TMTC2: variants seen among roughly 807,000 people sequenced by gnomAD.
The protein encoded by TMTC2 is protein O-mannosyl-transferase TMTC2.
In TMTC2, 43 loss-of-function variants were observed where a neutral mutation model predicts 82.4. The ratio of observed to expected loss-of-function variants is 0.52; its 90% CI spans 0.41 to 0.67. The LOEUF is 0.67. TMTC2 is among the 30% of genes least tolerant of loss of function. The pLI is 0.00. For synonymous variants in TMTC2, 408 were observed against 381.9 expected (o/e 1.07, Z -0.80); for missense variants, 919 against 1,012.4 (o/e 0.91, Z 1.25).
chr12:82,932,169 G>GAA (rs764107056), intron 4 of TMTC2, among the ~76,000 whole-genome samples: 9 of 152,084 alleles, frequency 5.9e-5, no homozygotes, highest in Non-Finnish European at 1.2e-4. Flanking sequence ...AAAATAAACA[G>GAA]AAAAAATCTA....
chr12:82,975,281 A>G (rs1194209929), intron 7 of TMTC2, among the ~76,000 whole-genome samples: 2 of 152,158 alleles, frequency 1.3e-5, no homozygotes, highest in African/African-American at 4.8e-5. Flanking sequence ...TGATTTTCCC[A>G]GTAAGTAAGG....
At position 82,985,833 on chromosome 12, in the gene TMTC2, C is replaced by T. The variant is rs755668446; in HGVS notation, c.1949-92C>T. Reference sequence around the variant, plus strand: ...ACTTCCCACAGCATCTGAAATTCCACGCAGTATGATGATGATGATGATGAT... The same window carrying T: ...ACTTCCCACAGCATCTGAAATTCCATGCAGTATGATGATGATGATGATGAT... On this transcript the variant is annotated intron_variant, in intron 7 of 11. Transcript: ENST00000321196. 2.2e-4 allele frequency: 312 copies of T among 1,449,166 alleles called. No homozygotes were observed. The Middle Eastern group carries it at 3.1e-3, about 14-fold the overall frequency. 89.8% of individuals were successfully genotyped at this position (1,449,166 alleles called of 1,614,324 possible). A position where few individuals can be genotyped will look rare whatever the true frequency, so the allele number is the denominator to read the frequency against.
chr12:83,012,869 G>A (rs907748992), intron 8 of TMTC2, among the ~76,000 whole-genome samples: 4 of 152,046 alleles, frequency 2.6e-5, no homozygotes, highest in African/African-American at 7.2e-5. Flanking sequence ...ATGAATTATG[G>A]CAGCTAGAAA....
chr12:82,937,746 G>GTATATATATATATATATATA (rs1876413785), intron 4 of TMTC2, among the ~76,000 whole-genome samples: 1 of 60,334 alleles, frequency 1.7e-5, no homozygotes, highest in African/African-American at 8.0e-5. Flanking sequence ...GTGTGTGTGT[G>GTATATATATATATATATATA]TGTGTATATA....
At chr12:82,930,733 A>G (rs945440780) in intron 4 of TMTC2, among the ~76,000 whole-genome samples, 188 bp downstream of exon 4, 5 of 152,176 alleles carry the variant, frequency 3.3e-5, no homozygotes, top group African/African-American at 1.2e-4. Flanking sequence ...CACATCATCA[A>G]TATTCATGTG....
At position 83,134,187 on chromosome 12, in the gene TMTC2, C is replaced by T. The variant is rs556092532; in HGVS notation, c.*1798C>T. ...TGAAGGGCCAAAAGTTAAATTATAA[C>T]TAAATCACTGTGTTTTCAGAATGAT... On this transcript the variant is annotated 3_prime_UTR_variant, in exon 12 of 12. Transcript: ENST00000321196. 6.6e-6 allele frequency: 1 copy of T among 152,184 alleles called. No homozygotes were observed. The highest frequency in any genetic ancestry group is 1.9e-4 in the East Asian group (1 of 5,166). 9.4% of individuals were successfully genotyped at this position (152,184 alleles called of 1,614,324 possible).
intron 2 of TMTC2, among the ~76,000 whole-genome samples, chr12:82,862,327 C>G (rs1037630261): frequency 5.9e-5 from 9 of 152,150 alleles, no homozygotes; most frequent in African/African-American, 2.2e-4. Context: ...TGGCCATTTT[C>G]TGTGCTTATT....
chr12:82,926,846 C>A (rs1205173812), intron 3 of TMTC2, among the ~76,000 whole-genome samples: 1 of 152,208 alleles, frequency 6.6e-6, no homozygotes, highest in Non-Finnish European at 1.5e-5. Context: ...GACAACACAT[C>A]TGTTTACAGC....
intron 1 of TMTC2, among the ~76,000 whole-genome samples, chr12:82,829,187 G>T (rs1411651229): frequency 1.3e-5 from 2 of 152,104 alleles, no homozygotes; most frequent in Non-Finnish European, 2.9e-5. Flanking sequence ...TGAGGAATCA[G>T]AAACATAATT....
intron 1 of TMTC2, among the ~76,000 whole-genome samples, chr12:82,709,096 T>TC (rs1052094781): frequency 6.6e-6 from 1 of 151,040 alleles, no homozygotes; most frequent in Non-Finnish European, 1.5e-5. Flanking sequence ...TTTTTTTTTT[T>TC]CTTATTGGCA....
chr12:83,128,807 T>C (rs1185903601), intron 11 of TMTC2, among the ~76,000 whole-genome samples: 1 of 152,136 alleles, frequency 6.6e-6, no homozygotes. Context: ...TAAACTTCCC[T>C]AGCACAGATG....
chr12:83,001,860 G>A (rs1879941956), intron 8 of TMTC2, among the ~76,000 whole-genome samples: 1 of 151,878 alleles, frequency 6.6e-6, no homozygotes, highest in African/African-American at 2.4e-5. Context: ...ATCACTGTTA[G>A]AATAAACAAA....
At chr12:83,101,274 A>G (rs1884206710) in intron 11 of TMTC2, among the ~76,000 whole-genome samples, 1 of 152,180 alleles carries the variant, frequency 6.6e-6, no homozygotes, top group Non-Finnish European at 1.5e-5. Flanking sequence ...AAAGCTATAA[A>G]TTTTGTGTTT....
At chr12:82,875,881 TGAA>T (rs1317404847) in intron 2 of TMTC2, among the ~76,000 whole-genome samples, 1 of 132,244 alleles carries the variant, frequency 7.6e-6, no homozygotes, top group Non-Finnish European at 1.5e-5. Context: ...ACTTCTATCA[TGAA>T]GGAGAGCTCA....
chr12:82,751,557 A>AT (rs1395090882), intron 1 of TMTC2, among the ~76,000 whole-genome samples: 1 of 150,226 alleles, frequency 6.7e-6, no homozygotes, highest in Non-Finnish European at 1.5e-5. Context: ...ATAAAATAAA[A>AT]TAAAATATAT....
chr12:82,833,567 A>G (rs1869866974), intron 1 of TMTC2, among the ~76,000 whole-genome samples: 1 of 152,220 alleles, frequency 6.6e-6, no homozygotes, highest in South Asian at 2.1e-4. Flanking sequence ...CATGCTCACA[A>G]AATGTGTAGT....
intron 11 of TMTC2, among the ~76,000 whole-genome samples, chr12:83,076,193 T>A (rs1026888338): frequency 1.3e-5 from 2 of 152,208 alleles, no homozygotes; most frequent in East Asian, 3.8e-4. Context: ...AACAATATTT[T>A]TTCAATATAT....
chr12:82,761,945 TCTTTC>T (rs1417810032), intron 1 of TMTC2, among the ~76,000 whole-genome samples: 1 of 149,668 alleles, frequency 6.7e-6, no homozygotes, highest in Non-Finnish European at 1.5e-5. Flanking sequence ...CTTCCTTCTT[TCTTTC>T]CTTTCCTTTC....
At chr12:83,011,110 C>G (rs949683827) in intron 8 of TMTC2, among the ~76,000 whole-genome samples, 1 of 152,224 alleles carries the variant, frequency 6.6e-6, no homozygotes, top group Non-Finnish European at 1.5e-5. Flanking sequence ...GTTGGGATTA[C>G]AGGCATGAGC....
Sources: gnomAD v4.1 joint callset for allele counts (sites outside exome capture counted in the v4.1 genomes callset) on GRCh38, gnomAD v4.1.1 for gene constraint, MANE v1.5 for transcripts, NCBI Gene and HGNC (gene_info 2026-07-23, HGNC 2026-07-21) for gene names.